Variants in SLC35A3 observed in about 807,000 individuals in gnomAD.
The protein encoded by SLC35A3 is solute carrier family 35 member A3.
A neutral mutation model predicts 39.0 loss-of-function variants in SLC35A3; 26 were observed. The ratio of observed to expected loss-of-function variants is 0.67; its 90% CI spans 0.49 to 0.92. The LOEUF (loss-of-function observed/expected upper bound fraction) is 0.92, where lower values mean the gene tolerates loss of function less well. SLC35A3 is among the 40% of genes least tolerant of loss of function. The probability of loss-of-function intolerance (pLI) is 0.00; values close to 1 mark genes in which losing one functional copy is unlikely to be tolerated. For synonymous variants in SLC35A3, 135 were observed against 133.1 expected (o/e 1.01, Z -0.10); for missense variants, 299 against 371.6 (o/e 0.80, Z 1.61).
At chr1:99,970,907 A>G (rs1422068809) in intron 1 of SLC35A3, among the ~76,000 whole-genome samples, 1 of 152,094 alleles carries the variant, frequency 6.6e-6, no homozygotes, top group Non-Finnish European at 1.5e-5. Flanking sequence ...TGACTTGTAA[A>G]CTTATATTTC....
chr1:100,017,636 GCA>G (rs1422263696), intron 6 of SLC35A3, 44 bp from the exon 7 acceptor site: 1 of 1,289,918 alleles, frequency 7.8e-7, no homozygotes, highest in South Asian at 1.5e-5. Context: ...GTTTTGAAAT[GCA>G]GTTTTACATG....
In SLC35A3 at chr1:100,025,926, C is replaced by T. The variant is rs761671687; in HGVS notation, c.*3450C>T. ...GAAATGCAACAAATGGATATTTCAA[C>T]ACAGTAGTATTATATTATCAGTTCT... On this transcript the variant is annotated 3_prime_UTR_variant, in exon 8 of 8. Transcript: ENST00000533028. The T allele has an allele frequency of 3.9e-5, 6 of 152,118 alleles. No individual in the cohort carries two copies. Among genetic ancestry groups the T allele is most frequent in the Non-Finnish European group, 8.8e-5 (6 of 68,002 alleles). 9.4% of individuals were successfully genotyped at this position (152,118 alleles called of 1,614,324 possible).
chr1:99,983,857 G>C (rs1384027695), intron 1 of SLC35A3, among the ~76,000 whole-genome samples: 3 of 152,134 alleles, frequency 2.0e-5, no homozygotes, highest in Non-Finnish European at 2.9e-5. Context: ...TCCTGACTGC[G>C]TGATCCGCCG....
At chr1:100,017,631 G>A in intron 6 of SLC35A3, 51 bp from the exon 7 acceptor site, 7 of 1,248,050 alleles carry the variant, frequency 5.6e-6, no homozygotes, top group Non-Finnish European at 7.6e-6. Flanking sequence ...AAAGTGTTTT[G>A]AAATGCAGTT....
intron 1 of SLC35A3, among the ~76,000 whole-genome samples, chr1:99,977,366 A>C (rs1657170865): frequency 7.0e-6 from 1 of 142,394 alleles, no homozygotes; most frequent in African/African-American, 2.6e-5. Flanking sequence ...AAAAATACCA[A>C]AAAAAAAAAA....
intron 7 of SLC35A3, among the ~76,000 whole-genome samples, chr1:100,019,821 A>G (rs1015341200): frequency 6.6e-6 from 1 of 152,264 alleles, no homozygotes; most frequent in Non-Finnish European, 1.5e-5. Flanking sequence ...CCTTTATTCT[A>G]TTGACTGTTA....
intron 4 of SLC35A3, chr1:100,009,455 T>G (rs780189038): frequency 1.3e-5 from 2 of 152,212 alleles, no homozygotes; most frequent in African/African-American, 4.8e-5. Context: ...AAATACAGAT[T>G]GGTCCTAGAT....
At chr1:99,977,837 C>A (rs1420833378) in intron 1 of SLC35A3, among the ~76,000 whole-genome samples, 1 of 152,186 alleles carries the variant, frequency 6.6e-6, no homozygotes, top group Non-Finnish European at 1.5e-5. Flanking sequence ...CCGTGCCTGG[C>A]CCTCGTATGC....
intron 1 of SLC35A3, among the ~76,000 whole-genome samples, chr1:99,983,003 T>C (rs1657544638): frequency 6.6e-6 from 1 of 152,184 alleles, no homozygotes; most frequent in South Asian, 2.1e-4. Context: ...ATCAAATCAG[T>C]GTGATTGTAA....
intron 2 of SLC35A3, among the ~76,000 whole-genome samples, chr1:99,994,367 T>C (rs1209928369): frequency 7.2e-5 from 11 of 152,116 alleles, no homozygotes; most frequent in African/African-American, 2.7e-4. Context: ...ATCTAAATTT[T>C]ATCTAAAATT....
intron 3 of SLC35A3, among the ~76,000 whole-genome samples, chr1:100,006,524 G>C (rs1186545979): frequency 6.6e-6 from 1 of 152,110 alleles, no homozygotes; most frequent in Non-Finnish European, 1.5e-5. Flanking sequence ...TGCATGGGTG[G>C]GTGCCAGCAG....
rs1162826692 is a variant in SLC35A3, at chr1:100,027,819, T to C, written c.*5343T>C. On this transcript the variant is annotated 3_prime_UTR_variant, in exon 8 of 8. Coordinates refer to ENST00000533028, the MANE Select transcript of SLC35A3 (RefSeq NM_012243.3). ...GCAACCTCTCATGAAAAGCACTAAC[T>C]AAAAATATTTAATAATCTTTTTTGT... The C allele has an allele frequency of 6.6e-6, 1 of 151,984 alleles. No homozygotes were observed. The highest frequency in any genetic ancestry group is 2.4e-5 in the African/African-American group (1 of 41,386). 9.4% of individuals were successfully genotyped at this position (151,984 alleles called of 1,614,324 possible).
intron 1 of SLC35A3, among the ~76,000 whole-genome samples, chr1:99,980,683 G>A (rs540908392): frequency 1.3e-5 from 2 of 152,248 alleles, no homozygotes; most frequent in South Asian, 4.1e-4. Context: ...GAAAGAAAAG[G>A]AGAAACAATG....
chr1:99,992,910 A>G (rs1259404266), intron 1 of SLC35A3: 3 of 152,358 alleles, frequency 2.0e-5, no homozygotes, highest in Non-Finnish European at 2.9e-5. Flanking sequence ...AGGAATGGTC[A>G]GCAGGGCTCT....
At chr1:100,022,269 G>A (rs112939623) in intron 7 of SLC35A3, 117 bp from the exon 8 acceptor site, 56 of 573,816 alleles carry the variant, frequency 9.8e-5, no homozygotes, top group Middle Eastern at 9.2e-4. Flanking sequence ...TTTGTTAGCC[G>A]TGTTACTGGA....
intron 1 of SLC35A3, among the ~76,000 whole-genome samples, chr1:99,977,576 A>AAGGGAGGG (rs1231254248): frequency 1.1e-5 from 1 of 93,032 alleles, no homozygotes; most frequent in African/African-American, 4.4e-5. Context: ...GGGAGGGAGG[A>AAGGGAGGG]AGGGAGGGAG....
chr1:99,973,632 GT>G (rs1557816567), intron 1 of SLC35A3, among the ~76,000 whole-genome samples: 1 of 152,148 alleles, frequency 6.6e-6, no homozygotes, highest in Non-Finnish European at 1.5e-5. Context: ...CAAAGAGCCA[GT>G]TTAAAATAAG....
At chr1:99,988,260 A>T (rs926440540) in intron 1 of SLC35A3, among the ~76,000 whole-genome samples, 4 of 152,316 alleles carry the variant, frequency 2.6e-5, no homozygotes, top group African/African-American at 9.6e-5. Flanking sequence ...CTAGAATTTT[A>T]TATATAAATG....
Position 100,022,415 on chromosome 1 carries a change from T to A in SLC35A3, c.917T>A (p.Ile306Lys). The part of the protein sequence containing the change: ...SVFFLGAILV[I>K]TATFLYGYDP... ...TTTTTCCTTGGAGCCATCCTTGTAA[T>A]AACAGCTACTTTTTTGTATGGTTAT... Residue 306 changes from isoleucine to lysine, a missense_variant, in exon 8 of 8, where the codon ATA (isoleucine) becomes AAA (lysine). By Grantham distance (102) the Ile-to-Lys change is moderately radical. Coordinates refer to ENST00000533028, the MANE Select transcript of SLC35A3 (RefSeq NM_012243.3). The A allele has an allele frequency of 6.2e-7, 1 of 1,602,726 alleles. No homozygotes were observed. Among genetic ancestry groups the A allele is most frequent in the African/African-American group, 1.3e-5 (1 of 74,748 alleles).
Sources: gnomAD v4.1 joint callset for allele counts (sites outside exome capture counted in the v4.1 genomes callset) on GRCh38, gnomAD v4.1.1 for gene constraint, MANE v1.5 for transcripts, NCBI Gene and HGNC (gene_info 2026-07-23, HGNC 2026-07-21) for gene names.